The following CHEK1 variants were observed in gnomAD, a reference collection of about 807,000 sequenced individuals.
CHEK1 encodes the protein serine/threonine-protein kinase Chk1.
Under a neutral mutation model 60.2 loss-of-function variants are expected in CHEK1, and 32 were observed. The observed-to-expected ratio is 0.53, with a 90% CI of 0.40 to 0.71. The LOEUF is 0.71. Among genes scored for constraint, CHEK1 ranks in the 30% least tolerant of loss-of-function variants. The probability of loss-of-function intolerance (pLI) is 0.00; values close to 1 mark genes in which losing one functional copy is unlikely to be tolerated. For missense variants in CHEK1, 399 were observed against 564.6 expected (o/e 0.71, Z 2.97); for synonymous variants, 179 against 187.2 (o/e 0.96, Z 0.36).
chr11:125,662,739 G>A (rs868107480), intron 13 of CHEK1, among the ~76,000 whole-genome samples: 1 of 152,272 alleles, frequency 6.6e-6, no homozygotes, highest in South Asian at 2.1e-4. Flanking sequence ...TGGGATAAAT[G>A]TACTGGAGTG....
intron 11 of CHEK1, among the ~76,000 whole-genome samples, chr11:125,648,775 A>G (rs1413727953): frequency 1.3e-5 from 2 of 151,112 alleles, no homozygotes; most frequent in Non-Finnish European, 2.9e-5. Flanking sequence ...GTCTTTCAGC[A>G]TTAAGTATGA....
chr11:125,655,142 C>CACTA (rs1479649676), intron 12 of CHEK1, 83 bp from the exon 13 acceptor site: 9 of 975,450 alleles, frequency 9.2e-6, no homozygotes, highest in Non-Finnish European at 1.1e-5. Flanking sequence ...CTCTTGTTAC[C>CACTA]ACTACAAAGA....
chr11:125,663,143 AAAC>A (rs1250784777), intron 13 of CHEK1, among the ~76,000 whole-genome samples: 1 of 152,010 alleles, frequency 6.6e-6, no homozygotes, highest in African/African-American at 2.4e-5. Flanking sequence ...GAAAAAAAAA[AAAC>A]AAATATGTCT....
chr11:125,630,759 T>C (rs1940832663), intron 5 of CHEK1, among the ~76,000 whole-genome samples: 1 of 152,228 alleles, frequency 6.6e-6, no homozygotes, highest in South Asian at 2.1e-4. Context: ...AATGTAAATA[T>C]ATGTATATCA....
Position 125,625,375 on chromosome 11 carries a change from T to A in CHEK1, c.-658T>A. ...GGAAACTTGCCCCGCCACACACACTTGACTGCGTGGCCAGTTCTTTCGAAG... is the reference window on the plus strand; with the variant it reads ...GGAAACTTGCCCCGCCACACACACTAGACTGCGTGGCCAGTTCTTTCGAAG... On this transcript the variant is annotated 5_prime_UTR_variant, in exon 1 of 13. Coordinates refer to ENST00000438015, the MANE Select transcript of CHEK1 (RefSeq NM_001114122.3). 1 of 258,880 alleles carries A rather than the reference T, an allele frequency of 3.9e-6. No homozygotes were observed. Among genetic ancestry groups the A allele is most frequent in the African/African-American group, 2.2e-5 (1 of 46,342 alleles). The allele number at this position is 258,880 out of a possible 1,614,324, so 16.0% of individuals were successfully genotyped here. A position where few individuals can be genotyped will look rare whatever the true frequency, so the allele number is the denominator to read the frequency against.
At chr11:125,672,815 A>T in intron 13 of CHEK1, 2 of 1,422,678 alleles carry the variant, frequency 1.4e-6, no homozygotes, top group Admixed American at 4.2e-5. Flanking sequence ...GATGGTCAAG[A>T]CCTCCACTTG....
downstream of CHEK1, chr11:125,678,124 T>C (rs748810266): frequency 2.5e-6 from 4 of 1,614,186 alleles, no homozygotes; most frequent in East Asian, 6.7e-5. Context: ...GTGTGCTTGC[T>C]TGAACCATGC....
chr11:125,633,137 T>A (rs771445881), intron 5 of CHEK1, 26 bp from the exon 6 acceptor site: 13 of 1,545,448 alleles, frequency 8.4e-6, no homozygotes, highest in Non-Finnish European at 8.6e-7. Context: ...TTTTATTCAG[T>A]GTCATCTTTT....
intron 13 of CHEK1, among the ~76,000 whole-genome samples, chr11:125,666,080 G>A (rs1418254296): frequency 6.7e-6 from 1 of 149,782 alleles, no homozygotes; most frequent in Non-Finnish European, 1.5e-5. Context: ...GTTCCTTGAG[G>A]TGCATTTTTA....
chr11:125,638,913 A>G (rs983393233), intron 8 of CHEK1, among the ~76,000 whole-genome samples: 9 of 152,164 alleles, frequency 5.9e-5, no homozygotes. Context: ...AACACGCTGC[A>G]CTGATCACCA....
chr11:125,627,321 A>C (rs560386680), intron 2 of CHEK1, among the ~76,000 whole-genome samples: 2 of 152,226 alleles, frequency 1.3e-5, no homozygotes, highest in African/African-American at 4.8e-5. Flanking sequence ...TATGAGTAGA[A>C]CATGTATATA....
chr11:125,678,076 C>T, downstream of CHEK1: 2 of 1,614,204 alleles, frequency 1.2e-6, no homozygotes, highest in South Asian at 2.2e-5. Flanking sequence ...GAAGCATGCT[C>T]ACTCTCAGCA....
chr11:125,676,548 G>T (rs1220340451), downstream of CHEK1: 16 of 1,583,418 alleles, frequency 1.0e-5, no homozygotes. Context: ...TCACATCTGG[G>T]AGGGGTAATG....
chr11:125,665,364 T>G (rs1942081038), intron 13 of CHEK1, among the ~76,000 whole-genome samples: 1 of 152,084 alleles, frequency 6.6e-6, no homozygotes, highest in South Asian at 2.1e-4. Context: ...TTTAATGTGT[T>G]TTTTGGATTC....
chr11:125,674,426 G>A (rs1942382780), intron 13 of CHEK1, among the ~76,000 whole-genome samples: 1 of 152,226 alleles, frequency 6.6e-6, no homozygotes, highest in Non-Finnish European at 1.5e-5. Context: ...ATAATTTCAG[G>A]CTGAAGCATA....
At position 125,629,979 on chromosome 11, in the gene CHEK1, C is replaced by G. The variant is rs774277688; in HGVS notation, c.424+519C>G. Among the ~76,000 whole-genome samples the G allele has an allele frequency of 2.0e-5, 3 of 152,060 alleles. No individual in the cohort carries two copies. The East Asian group carries it at 5.8e-4, about 29-fold the overall frequency. ...ACTCAAGCAGTTTACCAGCCTTAGCCTCCCAGAGTGTTGGGATTATAGACG... is the reference window on the plus strand; with the variant it reads ...ACTCAAGCAGTTTACCAGCCTTAGCGTCCCAGAGTGTTGGGATTATAGACG... On this transcript the variant is annotated intron_variant, in intron 5 of 12. Transcript: ENST00000438015.
intron 13 of CHEK1, among the ~76,000 whole-genome samples, chr11:125,667,684 G>A (rs180885268): frequency 3.4e-4 from 52 of 152,202 alleles, no homozygotes; most frequent in African/African-American, 1.0e-3. Context: ...GCAGTGGCAC[G>A]ATCTCAGTTC....
At chr11:125,675,277 T>C (rs1942442664) in intron 13 of CHEK1, among the ~76,000 whole-genome samples, 1 of 152,220 alleles carries the variant, frequency 6.6e-6, no homozygotes, top group African/African-American at 2.4e-5. Context: ...CTCTAATCTT[T>C]CCTTTCCCTG....
chr11:125,642,494 T>C (rs1379070195), intron 8 of CHEK1, among the ~76,000 whole-genome samples: 1 of 152,130 alleles, frequency 6.6e-6, no homozygotes, highest in Non-Finnish European at 1.5e-5. Flanking sequence ...AGAGTAGACC[T>C]AATAAAATAT....
Sources: gnomAD v4.1 joint callset for allele counts (sites outside exome capture counted in the v4.1 genomes callset) on GRCh38, gnomAD v4.1.1 for gene constraint, MANE v1.5 for transcripts, NCBI Gene and HGNC (gene_info 2026-07-23, HGNC 2026-07-21) for gene names.